The following FSIP1 variants were observed in gnomAD, a reference collection of about 807,000 sequenced individuals.
FSIP1 encodes fibrous sheath-interacting protein 1.
In FSIP1, 65 loss-of-function variants were observed where a neutral mutation model predicts 60.9. The ratio of observed to expected loss-of-function variants is 1.07; its 90% CI spans 0.87 to 1.31. The LOEUF (loss-of-function observed/expected upper bound fraction) is 1.31. Among genes scored for constraint, FSIP1 ranks in the 40% most tolerant of loss-of-function variants. The pLI is 0.00. For synonymous variants in FSIP1, 209 were observed against 221.2 expected (o/e 0.94, Z 0.49); for missense variants, 675 against 665.5 (o/e 1.01, Z -0.16).
chr15:39,755,301 C>T (rs893535726), intron 5 of FSIP1, among the ~76,000 whole-genome samples: 3 of 152,022 alleles, frequency 2.0e-5, no homozygotes, highest in African/African-American at 7.2e-5. Flanking sequence ...ATAAGAGTAC[C>T]TTCCCTCCAT....
chr15:39,660,229 G>A (rs1039287293), intron 10 of FSIP1, among the ~76,000 whole-genome samples: 1 of 152,134 alleles, frequency 6.6e-6, no homozygotes. Context: ...GGCTAGAGAG[G>A]GTGAAGAAAG....
At chr15:39,725,185 C>G (rs1282193106) in intron 9 of FSIP1, among the ~76,000 whole-genome samples, 2 of 152,146 alleles carry the variant, frequency 1.3e-5, no homozygotes, top group South Asian at 4.1e-4. Context: ...GAGCCGAGAT[C>G]GCGCCACTGA....
chr15:39,647,128 A>C (rs1196024097), intron 10 of FSIP1, among the ~76,000 whole-genome samples: 1 of 152,222 alleles, frequency 6.6e-6, no homozygotes, highest in Non-Finnish European at 1.5e-5. Context: ...GGAGATATAC[A>C]TAAAAGGATA....
chr15:39,746,298 T>A (rs576673108), intron 5 of FSIP1, among the ~76,000 whole-genome samples: 51 of 152,184 alleles, frequency 3.4e-4, no homozygotes, highest in Non-Finnish European at 7.1e-4. Context: ...AGCACCCCCT[T>A]GACTCAGAGA....
chr15:39,711,673 C>CTCCTTTT (rs1208660151), intron 10 of FSIP1, among the ~76,000 whole-genome samples: 1 of 92,702 alleles, frequency 1.1e-5, no homozygotes, highest in African/African-American at 3.8e-5. Flanking sequence ...ACCATTCCTA[C>CTCCTTTT]TTCTTTTTTT....
downstream of FSIP1, chr15:39,598,324 G>T (rs1418236506): frequency 6.6e-6 from 1 of 152,148 alleles, no homozygotes; most frequent in Non-Finnish European, 1.5e-5. Flanking sequence ...TTTCTGAGTA[G>T]CCATGATCAC....
chr15:39,720,814 A>G (rs1283462281), intron 9 of FSIP1, among the ~76,000 whole-genome samples: 1 of 152,246 alleles, frequency 6.6e-6, no homozygotes, highest in Non-Finnish European at 1.5e-5. Flanking sequence ...ATGGATAAAG[A>G]AAAGTATGCA....
At chr15:39,678,966 G>A (rs1894053545) in intron 10 of FSIP1, among the ~76,000 whole-genome samples, 1 of 152,106 alleles carries the variant, frequency 6.6e-6, no homozygotes, top group Non-Finnish European at 1.5e-5. Context: ...TTAATCCAGG[G>A]AAAGTCCCTA....
chr15:39,663,511 T>G (rs529202659), intron 10 of FSIP1, among the ~76,000 whole-genome samples: 1 of 152,246 alleles, frequency 6.6e-6, no homozygotes, highest in Non-Finnish European at 1.5e-5. Flanking sequence ...GGGAAGGTAA[T>G]GAAAATTCCC....
chr15:39,679,452 C>A (rs908716512), intron 10 of FSIP1, among the ~76,000 whole-genome samples: 2 of 152,044 alleles, frequency 1.3e-5, no homozygotes, highest in African/African-American at 4.8e-5. Flanking sequence ...AATAAGAGTT[C>A]TGGGCCAGGT....
Position 39,655,234 on chromosome 15 carries a change from T to C in FSIP1, c.1189-36989A>G, listed in dbSNP as rs2140442310. Among the ~76,000 whole-genome samples, 3 of 152,340 alleles carry C rather than the reference T, an allele frequency of 2.0e-5. No individual in the cohort carries two copies. In the South Asian group the frequency reaches 6.2e-4, roughly 32 times the overall value. On this transcript the variant is annotated intron_variant, in intron 10 of 11. Transcript: ENST00000350221. ...TTAAAATCTATCATAGACTTTGTCA[T>C]ATGAGAACAATCCTTTCTGGAAAAG...
intron 10 of FSIP1, among the ~76,000 whole-genome samples, chr15:39,699,097 C>T (rs892354563): frequency 6.6e-6 from 1 of 152,158 alleles, no homozygotes; most frequent in Non-Finnish European, 1.5e-5. Context: ...AGATGAAGGG[C>T]AAAAGGCACA....
chr15:39,623,051 G>C (rs1490545819), intron 10 of FSIP1, among the ~76,000 whole-genome samples: 2 of 150,076 alleles, frequency 1.3e-5, no homozygotes, highest in African/African-American at 4.9e-5. Flanking sequence ...TCCATTCCCA[G>C]GATACCCACT....
chr15:39,774,500 G>A (rs1166723), intron 2 of FSIP1, among the ~76,000 whole-genome samples: 88,869 of 151,216 alleles, frequency 0.59, 26,649 homozygotes, highest in African/African-American at 0.69. Context: ...TACATACAGA[G>A]GAGCAAAAAG....
In FSIP1 at chr15:39,633,091, C is replaced by CTTTTTTTTTTTTTTTTTTTTT. The variant is rs869063502; in HGVS notation, c.1189-14847_1189-14846insAAAAAAAAAAAAAAAAAAAAA. On this transcript the variant is annotated intron_variant, in intron 10 of 11. Coordinates refer to ENST00000350221, the MANE Select transcript of FSIP1 (RefSeq NM_152597.5). ...AATCTTCCCCACATAGGCTATACTT[C>CTTTTTTTTTTTTTTTTTTTTT]TTTTTTTTTTTTTTTTTTTTGAGAT... 2.0e-4 allele frequency among the ~76,000 whole-genome samples: 23 copies of CTTTTTTTTTTTTTTTTTTTTT among 112,888 alleles called. 1 individual carries two copies. The highest frequency in any genetic ancestry group is 7.0e-4 in the African/African-American group (19 of 27,108). The allele number at this position is 112,888 out of a possible 152,430, so 74.1% of individuals were successfully genotyped here.
chr15:39,627,111 C>T (rs190237040), intron 10 of FSIP1, among the ~76,000 whole-genome samples: 1 of 152,212 alleles, frequency 6.6e-6, no homozygotes, highest in Non-Finnish European at 1.5e-5. Context: ...AGTTTCCCAG[C>T]AGCATACACA....
intron 5 of FSIP1, among the ~76,000 whole-genome samples, chr15:39,761,548 G>A (rs898019569): frequency 1.9e-4 from 29 of 152,214 alleles, no homozygotes; most frequent in Admixed American, 1.4e-3. Flanking sequence ...GAGTGGAATG[G>A]TGGTTACCAG....
chr15:39,674,755 A>G (rs1266250777), intron 10 of FSIP1, among the ~76,000 whole-genome samples: 1 of 151,170 alleles, frequency 6.6e-6, no homozygotes. Context: ...AATATGTTTT[A>G]AGGACTTCTT....
intron 8 of FSIP1, among the ~76,000 whole-genome samples, chr15:39,737,194 G>A (rs116232271): frequency 5.2e-4 from 79 of 152,234 alleles, no homozygotes; most frequent in Middle Eastern, 3.4e-3. Flanking sequence ...GTAAACAAGT[G>A]CAAACATTGG....
Sources: allele counts gnomAD v4.1 joint callset (sites outside exome capture counted in the v4.1 genomes callset), GRCh38; gene constraint gnomAD v4.1.1; transcripts MANE v1.5; gene names NCBI Gene and HGNC (gene_info 2026-07-23, HGNC 2026-07-21).